Variants in LRRC37A2 observed in about 807,000 individuals in gnomAD.
The protein encoded by LRRC37A2 is leucine-rich repeat-containing protein 37A2.
LRRC37A2 carries 9 observed loss-of-function variants against 68.8 expected under a neutral mutation model. The observed-to-expected ratio is 0.13, with a 90% CI of 0.08 to 0.23. The LOEUF (loss-of-function observed/expected upper bound fraction) is 0.23, where lower values mean the gene tolerates loss of function less well. Among genes scored for constraint, LRRC37A2 ranks in the 10% least tolerant of loss-of-function variants. The pLI, the probability that LRRC37A2 is intolerant of heterozygous loss-of-function variation, is 1.00. For missense variants in LRRC37A2, 168 were observed against 950.4 expected (o/e 0.18, Z 10.82); for synonymous variants, 63 against 367.6 (o/e 0.17, Z 9.48).
chr17:46,979,615 G>A, the LRRC37A2 span, among the ~76,000 whole-genome samples: 1 of 152,016 alleles, frequency 6.6e-6, no homozygotes, highest in African/African-American at 2.4e-5. Context: ...TGAGTCGCCG[G>A]GACCCCTGGC....
chr17:47,027,158 G>C, the LRRC37A2 span, among the ~76,000 whole-genome samples: 111 of 152,188 alleles, frequency 7.3e-4, no homozygotes, highest in African/African-American at 2.6e-3. Context: ...GGATCTGCCA[G>C]CCTCGGCCTC....
At chr17:46,837,495 C>G in the LRRC37A2 span, among the ~76,000 whole-genome samples, 2 of 152,206 alleles carry the variant, frequency 1.3e-5, no homozygotes, top group Non-Finnish European at 2.9e-5. Flanking sequence ...ATCGAATCCT[C>G]ACTAGAACCC....
chr17:46,763,842 A>C, the LRRC37A2 span: 1 of 148,504 alleles, frequency 6.7e-6, no homozygotes, highest in African/African-American at 2.6e-5. Flanking sequence ...AAAAAAAAAA[A>C]AAAACAAAAA....
At chr17:47,012,111 GATT>G in the LRRC37A2 span, among the ~76,000 whole-genome samples, 3 of 152,126 alleles carry the variant, frequency 2.0e-5, no homozygotes, top group Admixed American at 1.3e-4. Flanking sequence ...GTTGAAAAAT[GATT>G]ATTATTTTCC....
chr17:46,526,390 AC>A (rs2052760220), intron 6 of LRRC37A2, among the ~76,000 whole-genome samples: 1 of 101,242 alleles, frequency 9.9e-6, no homozygotes, highest in Non-Finnish European at 2.1e-5. Flanking sequence ...TAAAAAACAA[AC>A]AAAAAAAGAG....
chr17:46,830,937 C>G, the LRRC37A2 span: 3 of 395,894 alleles, frequency 7.6e-6, 1 homozygote, highest in South Asian at 4.3e-4. Flanking sequence ...GAGAGAAAGT[C>G]ACACATTCAG....
chr17:47,018,218 C>T, the LRRC37A2 span: 9 of 1,611,554 alleles, frequency 5.6e-6, no homozygotes, highest in South Asian at 1.1e-5. Flanking sequence ...AACAGGAGGC[C>T]CCAATTGAGC....
At chr17:46,716,095 C>T in the LRRC37A2 span, among the ~76,000 whole-genome samples, 3 of 152,204 alleles carry the variant, frequency 2.0e-5, no homozygotes, top group African/African-American at 4.8e-5. Context: ...AAATATTTCC[C>T]TGCAAATAGT....
chr17:46,810,137 G>A, the LRRC37A2 span, among the ~76,000 whole-genome samples: 2 of 151,358 alleles, frequency 1.3e-5, no homozygotes, highest in Non-Finnish European at 2.9e-5. Flanking sequence ...CTTCCGAGTA[G>A]CTGGGATTAC....
At chr17:46,756,006 T>C in the LRRC37A2 span, 2 of 594,752 alleles carry the variant, frequency 3.4e-6, no homozygotes, top group South Asian at 2.3e-5. Context: ...GATAGCTTAG[T>C]GTCTCGTGGA....
At chr17:46,790,788 C>T in the LRRC37A2 span, among the ~76,000 whole-genome samples, 11 of 152,370 alleles carry the variant, frequency 7.2e-5, no homozygotes, top group East Asian at 1.5e-3. Context: ...CACGCCCCTC[C>T]GTTTCCGTCC....
the LRRC37A2 span, among the ~76,000 whole-genome samples, chr17:46,897,234 G>A: frequency 7.2e-5 from 11 of 152,150 alleles, no homozygotes; most frequent in Admixed American, 2.0e-4. Flanking sequence ...TCCAGAAGGC[G>A]GCCAGCACCT....
chr17:46,961,549 G>T, the LRRC37A2 span, among the ~76,000 whole-genome samples: 1 of 152,110 alleles, frequency 6.6e-6, no homozygotes, highest in East Asian at 1.9e-4. Context: ...AAAAAAAGAA[G>T]CAAATGAAAA....
chr17:46,622,481 A>G, the LRRC37A2 span, among the ~76,000 whole-genome samples: 4 of 149,296 alleles, frequency 2.7e-5, no homozygotes, highest in Admixed American at 6.7e-5. Flanking sequence ...TAAATAAATA[A>G]ATAGATAAAT....
At chr17:46,830,532 C>T in the LRRC37A2 span, 6 of 396,494 alleles carry the variant, frequency 1.5e-5, no homozygotes, top group African/African-American at 2.1e-5. Flanking sequence ...AGGCATGAGC[C>T]ACCACACCTG....
the LRRC37A2 span, among the ~76,000 whole-genome samples, chr17:46,413,504 A>ACACACACACACACACACACG: frequency 4.6e-5 from 1 of 21,594 alleles, no homozygotes; most frequent in East Asian, 1.4e-3. Flanking sequence ...ACACACACAC[A>ACACACACACACACACACACG]CACACACACA....
chr17:46,492,981 A>G, the LRRC37A2 span, among the ~76,000 whole-genome samples: 2 of 146,494 alleles, frequency 1.4e-5, no homozygotes, highest in Admixed American at 6.8e-5. Flanking sequence ...GACGTGAGCC[A>G]CTGCGCCTGG....
At chr17:46,873,086 T>TCACA in the LRRC37A2 span, among the ~76,000 whole-genome samples, 568 of 139,902 alleles carry the variant, frequency 4.1e-3, 4 homozygotes, top group African/African-American at 9.5e-3. Flanking sequence ...CTCTGCCTCT[T>TCACA]CACACACACA....
At chr17:46,932,163 G>A in the LRRC37A2 span, 1 of 1,614,164 alleles carries the variant, frequency 6.2e-7, no homozygotes, top group Non-Finnish European at 8.5e-7. Context: ...AGGAGAGACA[G>A]CGAGAAGAGC....
Sources: gnomAD v4.1 joint callset for allele counts (sites outside exome capture counted in the v4.1 genomes callset) on GRCh38, gnomAD v4.1.1 for gene constraint, MANE v1.5 for transcripts, NCBI Gene and HGNC (gene_info 2026-07-23, HGNC 2026-07-21) for gene names.